Variants in SPIRE2 observed in about 807,000 individuals in gnomAD.
SPIRE2 encodes protein spire homolog 2.
Under a neutral mutation model 80.7 loss-of-function variants are expected in SPIRE2, and 76 were observed. The observed-to-expected ratio is 0.94, with a 90% confidence interval of 0.78 to 1.14. The LOEUF (loss-of-function observed/expected upper bound fraction) is 1.14, where lower values mean the gene tolerates loss of function less well. SPIRE2 is among the 50% of genes most tolerant of loss of function. The probability of loss-of-function intolerance (pLI) is 0.00; values close to 1 mark genes in which losing one functional copy is unlikely to be tolerated. For synonymous variants in SPIRE2, 535 were observed against 432.6 expected, an observed-to-expected ratio of 1.24 and a Z score of -2.94; for missense variants, 1,196 against 1,015.3, an observed-to-expected ratio of 1.18 and a Z score of -2.42.
chr16:89,836,042 G>A (rs959533211), intron 1 of SPIRE2, among the ~76,000 whole-genome samples: 1 of 152,090 alleles, frequency 6.6e-6, no homozygotes, highest in Non-Finnish European at 1.5e-5. Flanking sequence ...GAGCTTGGTG[G>A]CGGGCGTCTG....
chr16:89,840,359 C>A (rs1010130368), intron 1 of SPIRE2, among the ~76,000 whole-genome samples: 1 of 150,158 alleles, frequency 6.7e-6, no homozygotes. Context: ...ACATCATTCT[C>A]CTGTCTCAGC....
chr16:89,835,251 C>T (rs377305731), intron 1 of SPIRE2, among the ~76,000 whole-genome samples: 8 of 144,176 alleles, frequency 5.5e-5, no homozygotes, highest in East Asian at 1.9e-4. Context: ...AAGCATAGCC[C>T]GTGTGATTTT....
At chr16:89,854,744 A>G (rs751235381) in intron 5 of SPIRE2, 93 bp downstream of exon 5, 1 of 1,321,500 alleles carries the variant, frequency 7.6e-7, no homozygotes, top group Non-Finnish European at 1.0e-6. Context: ...TGGGCAGCCC[A>G]CCCCAGAGAG....
intron 1 of SPIRE2, chr16:89,836,579 T>C (rs1336847186): frequency 1.0e-5 from 2 of 194,362 alleles, no homozygotes; most frequent in African/African-American, 4.6e-5. Flanking sequence ...GTTGTTTCTT[T>C]TGAGGTGAAA....
chr16:89,853,948 C>T (rs1008377351), intron 3 of SPIRE2, among the ~76,000 whole-genome samples: 1 of 152,262 alleles, frequency 6.6e-6, no homozygotes, highest in Non-Finnish European at 1.5e-5. Context: ...CTGCGCTGAG[C>T]CCCAGACGCT....
intron 4 of SPIRE2, 22 bp downstream of exon 4, chr16:89,854,388 C>T (rs2143812077): frequency 6.2e-7 from 1 of 1,611,794 alleles, no homozygotes; most frequent in African/African-American, 1.3e-5. Flanking sequence ...TCCCACCTGA[C>T]CGGGCCACTG....
chr16:89,859,754 C>T (rs921581639), intron 9 of SPIRE2, among the ~76,000 whole-genome samples: 4 of 152,106 alleles, frequency 2.6e-5, no homozygotes, highest in Non-Finnish European at 2.9e-5. Flanking sequence ...GTGATTCCTT[C>T]GACTCCTTTT....
intron 1 of SPIRE2, among the ~76,000 whole-genome samples, chr16:89,837,124 C>T (rs1204036765): frequency 6.6e-6 from 1 of 152,188 alleles, no homozygotes; most frequent in Non-Finnish European, 1.5e-5. Flanking sequence ...TCTTCTCCCT[C>T]GAGCAGGACT....
Position 89,831,518 on chromosome 16 carries a change from G to A in SPIRE2, c.244+2724G>A, listed in dbSNP as rs542738252. ...GTTCACGCCATTCTCCTGCCTCAGC[G>A]TCCCGAGTAGCTGGGACTACATGCG... is the stretch of plus-strand genomic sequence containing the variant. On this transcript the variant is annotated intron_variant, in intron 1 of 14. Transcript: ENST00000378247. Among the ~76,000 whole-genome samples, 8 of 148,022 alleles carry A rather than the reference G, an allele frequency of 5.4e-5. No homozygotes were observed. In the South Asian group the frequency reaches 8.5e-4, roughly 16 times the overall value.
intron 8 of SPIRE2, 145 bp from the exon 9 acceptor site, chr16:89,859,020 G>C (rs1315773867): frequency 7.2e-6 from 5 of 690,782 alleles, no homozygotes; most frequent in Non-Finnish European, 1.2e-5. Context: ...ACTGTCCAGA[G>C]GCGGGCAGGC....
intron 1 of SPIRE2, among the ~76,000 whole-genome samples, chr16:89,833,007 G>A (rs113453426): frequency 2.1e-4 from 5 of 24,036 alleles, no homozygotes; most frequent in African/African-American, 8.6e-4. Context: ...TTTTTTTTTT[G>A]TGAGACAGAG....
chr16:89,855,596 G>A lies in SPIRE2; in HGVS notation c.892-4G>A, dbSNP rs368763441. 1.2e-5 allele frequency: 19 copies of A among 1,612,192 alleles called. No homozygotes were observed. Among genetic ancestry groups the A allele is most frequent in the African/African-American group, 9.3e-5 (7 of 75,006 alleles). On this transcript the variant is annotated splice_region_variant and splice_polypyrimidine_tract_variant and intron_variant, in intron 5 of 14. Transcript: ENST00000378247. ...GGGCCTCAGATCAGCCGTCCTCCCC[G>A]CAGGTGGATGGGGACATCCCGCCCC...
chr16:89,832,147 G>T (rs1567667380), intron 1 of SPIRE2, among the ~76,000 whole-genome samples: 1 of 152,258 alleles, frequency 6.6e-6, no homozygotes. Context: ...GGCCCAGGAA[G>T]CACCCCATGG....
intron 1 of SPIRE2, among the ~76,000 whole-genome samples, chr16:89,834,842 C>G (rs1160715327): frequency 2.9e-5 from 3 of 101,954 alleles, no homozygotes; most frequent in East Asian, 3.3e-4. Context: ...TAGAAGGCCC[C>G]ATAAGCATAG....
rs1282409884 is a variant in SPIRE2, at chr16:89,860,667, C to T, written c.1463-16C>T. 4 of 1,531,376 alleles carry T rather than the reference C, an allele frequency of 2.6e-6. No individual in the cohort carries two copies. The highest frequency in any genetic ancestry group is 4.7e-5 in the East Asian group (2 of 42,642). 94.9% of individuals were successfully genotyped at this position (1,531,376 alleles called of 1,614,324 possible). A position where few individuals can be genotyped will look rare whatever the true frequency, so the allele number is the denominator to read the frequency against. On this transcript the variant is annotated splice_polypyrimidine_tract_variant and intron_variant, in intron 9 of 14. Coordinates refer to ENST00000378247, the MANE Select transcript of SPIRE2 (RefSeq NM_032451.2). ...TCCTGCCAGGCAGTCCTGATGGAGC[C>T]TCTGCTCTCCCCCAGGTACCTGTCC...
chr16:89,863,636 C>T lies in SPIRE2; in HGVS notation c.1710+26C>T, dbSNP rs1597224051. ...GTGAGGCTGCCTAGACGTGGGGCTA[C>T]GCTCTTGCCCGCTGGGTCAGGGGCG... On this transcript the variant is annotated intron_variant, in intron 11 of 14. Transcript: ENST00000378247. This position sits in a 1 kb window ranked among gnomAD's most constrained non-coding sequence, Gnocchi z 4.3. 2 of 1,614,000 alleles carry T rather than the reference C, an allele frequency of 1.2e-6. No homozygotes were observed. Among genetic ancestry groups the T allele is most frequent in the South Asian group, 2.2e-5 (2 of 91,088 alleles).
In SPIRE2 at chr16:89,859,196, T is replaced by G. The variant is rs752134599; in HGVS notation, c.1304T>G (p.Leu435Arg). 6.3e-7 allele frequency: 1 copy of G among 1,596,996 alleles called. No homozygotes were observed. The highest frequency in any genetic ancestry group is 2.3e-5 in the East Asian group (1 of 43,330). Residue 435 changes from leucine to arginine, a missense_variant, in exon 9 of 15, where the codon CTG becomes CGG. Transcript: ENST00000378247. ...GAGTCTCCGTGTGGGGAGGTGACGC[T>G]GAAACGGGACCGCTCCTTCTCAGAG... ...EEESPCGEVT[L>R]KRDRSFSEHD...
intron 1 of SPIRE2, among the ~76,000 whole-genome samples, chr16:89,843,897 C>T (rs2041531836): frequency 4.8e-5 from 7 of 145,148 alleles, no homozygotes; most frequent in Admixed American, 2.8e-4. Context: ...GATGAGGTTT[C>T]GATATGTGGC....
Position 89,870,206 on chromosome 16 carries a change from G to T in SPIRE2, c.2079G>T (p.Thr693=). Residue 693 remains threonine, a synonymous_variant, in exon 15 of 15, where the codon ACG becomes ACT. Transcript: ENST00000378247. ...SRKSVDVLNT[T]PRRSRQTQSL... is the part of the protein sequence containing the mutation. ...AGAGCGTGGACGTCCTCAACACTACGCCACGACGCAGTCGCCAGACCCAAT... is the reference window on the plus strand; with the variant it reads ...AGAGCGTGGACGTCCTCAACACTACTCCACGACGCAGTCGCCAGACCCAAT... 6.2e-7 allele frequency: 1 copy of T among 1,608,710 alleles called. No homozygotes were observed.
Sources: gnomAD v4.1 joint callset for allele counts (sites outside exome capture counted in the v4.1 genomes callset) on GRCh38, gnomAD v4.1.1 for gene constraint, Gnocchi (gnomAD v3.1) non-coding constraint, MANE v1.5 for transcripts, NCBI Gene and HGNC (gene_info 2026-07-23, HGNC 2026-07-21) for gene names.